Variants in FAM20B observed in about 807,000 individuals in gnomAD.
FAM20B encodes the protein FAM20B glycosaminoglycan xylosylkinase, also known as glycosaminoglycan xylosylkinase.
Under a neutral mutation model 43.8 loss-of-function variants are expected in FAM20B, and 23 were observed. That is an observed-to-expected ratio of 0.53 (90% CI 0.38 to 0.74). FAM20B has a LOEUF of 0.74. Ranked by LOEUF, FAM20B falls within the 30% of genes least tolerant of loss-of-function variation. The pLI is 0.00. For synonymous variants in FAM20B, 178 were observed against 192.4 expected (o/e 0.93, Z 0.62); for missense variants, 440 against 510.5 (o/e 0.86, Z 1.33).
intron 6 of FAM20B, among the ~76,000 whole-genome samples, chr1:179,066,099 A>G (rs1425423105): frequency 1.3e-5 from 2 of 152,200 alleles, no homozygotes. Flanking sequence ...ACAAACATTC[A>G]GACCATAGCA....
chr1:179,047,764 CTATT>C (rs1650836875), intron 2 of FAM20B, among the ~76,000 whole-genome samples: 1 of 152,184 alleles, frequency 6.6e-6, no homozygotes, highest in Non-Finnish European at 1.5e-5. Flanking sequence ...GCTTCAGAGG[CTATT>C]TATTTAGTCC....
Position 179,043,966 on chromosome 1 carries a change from C to A in FAM20B, c.119C>A (p.Ala40Asp), listed in dbSNP as rs200886195. 2 of 1,614,146 alleles carry A rather than the reference C, an allele frequency of 1.2e-6. No homozygotes were observed. The highest frequency in any genetic ancestry group is 1.7e-5 in the Admixed American group (1 of 60,010). Residue 40 changes from alanine (A) to aspartate (D), a missense_variant, in exon 2 of 8, where the codon GCC (alanine) becomes GAC (aspartate). By Grantham distance (126) the Ala-to-Asp change is moderately radical. Coordinates refer to ENST00000263733, the MANE Select transcript of FAM20B (RefSeq NM_014864.4). The part of the protein sequence containing the change: ...TSAANREDQR[A>D]FHRMMTGLRV... ...GCTGCCAACCGGGAGGACCAGAGGG[C>A]CTTTCACCGAATGATGACTGGCTTG...
At chr1:179,070,206 C>T (rs1258041133) in intron 7 of FAM20B, among the ~76,000 whole-genome samples, 4 of 151,686 alleles carry the variant, frequency 2.6e-5, no homozygotes, top group Non-Finnish European at 5.9e-5. Context: ...CCACCATGCC[C>T]GGGTAATTTT....
chr1:179,055,872 A>C (rs1277928448), intron 4 of FAM20B, among the ~76,000 whole-genome samples: 1 of 152,248 alleles, frequency 6.6e-6, no homozygotes, highest in Non-Finnish European at 1.5e-5. Flanking sequence ...CAAGGGCATA[A>C]AGACTGGAAA....
At chr1:179,032,968 CCAT>C (rs1471859852) in intron 1 of FAM20B, among the ~76,000 whole-genome samples, 1 of 152,198 alleles carries the variant, frequency 6.6e-6, no homozygotes, top group Admixed American at 6.5e-5. Context: ...CTGCCACTAA[CCAT>C]CAGTAGAGAC....
chr1:179,068,529 A>G (rs748663697), intron 7 of FAM20B, among the ~76,000 whole-genome samples: 2 of 151,642 alleles, frequency 1.3e-5, no homozygotes, highest in Admixed American at 1.3e-4. Flanking sequence ...TCCACCTCCC[A>G]TGTTCAAGTG....
chr1:179,043,879 C>A lies in FAM20B; in HGVS notation c.32C>A (p.Ala11Glu). Residue 11 changes from alanine (A) to glutamate (E), a missense_variant, in exon 2 of 8, where the codon GCA becomes GAA. Ala to Glu is a moderately radical substitution (Grantham distance 107). Coordinates refer to ENST00000263733, the MANE Select transcript of FAM20B (RefSeq NM_014864.4). MKLKQRVVLL[A>E]ILLVIFIFTK... is the part of the protein sequence containing the mutation. Reference sequence around the variant, plus strand: ...CTAAAGCAGCGAGTCGTGCTGTTAGCAATTCTCCTTGTCATTTTTATCTTC... The same window carrying A: ...CTAAAGCAGCGAGTCGTGCTGTTAGAAATTCTCCTTGTCATTTTTATCTTC... 1 of 1,607,638 alleles carries A rather than the reference C, an allele frequency of 6.2e-7. No individual in the cohort carries two copies. Among genetic ancestry groups the A allele is most frequent in the Non-Finnish European group, 8.5e-7 (1 of 1,174,548 alleles).
intron 7 of FAM20B, among the ~76,000 whole-genome samples, chr1:179,068,581 G>A (rs1276715352): frequency 2.0e-5 from 3 of 151,974 alleles, no homozygotes; most frequent in South Asian, 2.1e-4. Flanking sequence ...GATTACAGGC[G>A]CCCCTCACTG....
chr1:179,062,212 C>G lies in FAM20B; in HGVS notation c.575-1715C>G, dbSNP rs77381696. On this transcript the variant is annotated intron_variant, in intron 4 of 7. Coordinates refer to ENST00000263733, the MANE Select transcript of FAM20B (RefSeq NM_014864.4). ...ACTAAAATGGTATTTAGGAACTACCCTGTGGGCGCTAGGTGTGCTCATTAC... is the reference window on the plus strand; with the variant it reads ...ACTAAAATGGTATTTAGGAACTACCGTGTGGGCGCTAGGTGTGCTCATTAC... Among the ~76,000 whole-genome samples the G allele has an allele frequency of 8.3e-3, 1,257 of 152,204 alleles. 17 individuals carry two copies. Among genetic ancestry groups the G allele is most frequent in the African/African-American group, 0.029 (1,203 of 41,504 alleles).
At chr1:179,034,537 G>T (rs1196383815) in intron 1 of FAM20B, among the ~76,000 whole-genome samples, 1 of 152,114 alleles carries the variant, frequency 6.6e-6, no homozygotes, top group Non-Finnish European at 1.5e-5. Context: ...GTTTGGCCCT[G>T]ACTCCACCTC....
chr1:179,062,886 C>T (rs749249419), intron 4 of FAM20B, among the ~76,000 whole-genome samples: 2 of 152,212 alleles, frequency 1.3e-5, no homozygotes, highest in Non-Finnish European at 2.9e-5. Flanking sequence ...CTTGGCCACA[C>T]TTGGCCTAGT....
At chr1:179,066,901 T>G in intron 7 of FAM20B, 42 bp downstream of exon 7, 1 of 1,381,926 alleles carries the variant, frequency 7.2e-7, no homozygotes, top group Non-Finnish European at 1.0e-6. Flanking sequence ...CATTGCCTTC[T>G]TTTCCAGGCT....
rs1652084678 is a variant in FAM20B, at chr1:179,075,258, A to C, written c.*3114A>C. On this transcript the variant is annotated 3_prime_UTR_variant, in exon 8 of 8. Transcript: ENST00000263733. ...ACACTGTCCTACTTTATTTATTAGA[A>C]TCTAAGGCTGTTACAATCAAGTCGT... 1 of 152,046 alleles carries C rather than the reference A, an allele frequency of 6.6e-6. No homozygotes were observed. The highest frequency in any genetic ancestry group is 6.6e-5 in the Admixed American group (1 of 15,254). 9.4% of individuals were successfully genotyped at this position (152,046 alleles called of 1,614,324 possible). A position where few individuals can be genotyped will look rare whatever the true frequency, so the allele number is the denominator to read the frequency against.
chr1:179,018,575 A>G, the FAM20B span, among the ~76,000 whole-genome samples: 1 of 152,152 alleles, frequency 6.6e-6, no homozygotes, highest in Non-Finnish European at 1.5e-5. Context: ...CCAAAGTGCT[A>G]GGATTGCAGG....
At chr1:179,019,962 A>C in the FAM20B span, among the ~76,000 whole-genome samples, 3 of 152,126 alleles carry the variant, frequency 2.0e-5, no homozygotes, top group Non-Finnish European at 4.4e-5. Flanking sequence ...AGCAGCCATC[A>C]GTGAGGTACT....
chr1:179,033,527 T>C (rs1650092944), intron 1 of FAM20B, among the ~76,000 whole-genome samples: 1 of 152,180 alleles, frequency 6.6e-6, no homozygotes, highest in Non-Finnish European at 1.5e-5. Flanking sequence ...CTGAGATAAT[T>C]GTTTTTAGTC....
At chr1:179,060,632 C>T (rs563780467) in intron 4 of FAM20B, among the ~76,000 whole-genome samples, 2 of 152,276 alleles carry the variant, frequency 1.3e-5, no homozygotes, top group Admixed American at 1.3e-4. Flanking sequence ...CCACCCAGTC[C>T]CCAACCCCTG....
At position 179,040,679 on chromosome 1, in the gene FAM20B, C is replaced by T. The variant is rs548548257; in HGVS notation, c.-133-3036C>T. 2.4e-3 allele frequency among the ~76,000 whole-genome samples: 309 copies of T among 127,098 alleles called. 35 individuals carry two copies. The highest frequency in any genetic ancestry group is 8.5e-3 in the African/African-American group (292 of 34,196). The allele number at this position is 127,098 out of a possible 152,430, so 83.4% of individuals were successfully genotyped here. A position where few individuals can be genotyped will look rare whatever the true frequency, so the allele number is the denominator to read the frequency against. On this transcript the variant is annotated intron_variant, in intron 1 of 7. Transcript: ENST00000263733. ...CGGGCGCTGATCCCCCCACCTCCCT[C>T]CCGGACGGGGCGGCTGGCCTGGCGG...
intron 1 of FAM20B, among the ~76,000 whole-genome samples, chr1:179,038,344 G>C (rs1004856307): frequency 6.6e-6 from 1 of 151,314 alleles, no homozygotes; most frequent in African/African-American, 2.4e-5. Flanking sequence ...CCAGGAAGCA[G>C]AGGTTGTGGT....
Sources: allele counts gnomAD v4.1 joint callset (sites outside exome capture counted in the v4.1 genomes callset), GRCh38; gene constraint gnomAD v4.1.1; transcripts MANE v1.5; gene names NCBI Gene and HGNC (gene_info 2026-07-23, HGNC 2026-07-21).